Variants in TNFRSF21 observed in about 807,000 individuals in gnomAD.
The protein encoded by TNFRSF21 is tumor necrosis factor receptor superfamily member 21.
A neutral mutation model predicts 45.6 loss-of-function variants in TNFRSF21; 19 were observed. The ratio of observed to expected loss-of-function variants is 0.42; its 90% CI spans 0.29 to 0.61. TNFRSF21 has a LOEUF of 0.61. Ranked by LOEUF, TNFRSF21 falls within the 20% of genes least tolerant of loss-of-function variation. The probability of loss-of-function intolerance (pLI) is 0.23; values close to 1 mark genes in which losing one functional copy is unlikely to be tolerated. For synonymous variants in TNFRSF21, 314 were observed against 335.5 expected, an observed-to-expected ratio of 0.94 and a Z score of 0.70; for missense variants, 737 against 851.5, an observed-to-expected ratio of 0.87 and a Z score of 1.67.
At position 47,253,461 on chromosome 6, in the gene TNFRSF21, T is replaced by C; in HGVS notation, c.1304A>G (p.Gln435Arg). 6.2e-7 allele frequency: 1 copy of C among 1,614,006 alleles called. No homozygotes were observed. The highest frequency in any genetic ancestry group is 8.5e-7 in the Non-Finnish European group (1 of 1,180,026). Residue 435 changes from glutamine (Q) to arginine (R), a missense_variant, in exon 4 of 6, where the codon CAG (glutamine) becomes CGG (arginine). Coordinates refer to ENST00000296861, the MANE Select transcript of TNFRSF21 (RefSeq NM_014452.5). ...QVGSQWKDIYQFLCNASEREV... is the reference protein window; with the variant it reads ...QVGSQWKDIYRFLCNASEREV... ...CCTCTCACTGGCATTGCAAAGAAACTGATAGATATCTTTCCACTGGCTTCC... is the reference window on the plus strand; with the variant it reads ...CCTCTCACTGGCATTGCAAAGAAACCGATAGATATCTTTCCACTGGCTTCC...
chr6:47,303,850 G>A lies in TNFRSF21; in HGVS notation c.96+5566C>T, dbSNP rs73475456. Among the ~76,000 whole-genome samples the A allele has an allele frequency of 2.4e-3, 360 of 152,256 alleles. 1 individual carries two copies. The highest frequency in any genetic ancestry group is 8.0e-3 in the African/African-American group (333 of 41,526). ...AAGGCCAGTATTTATTCATGATCTC[G>A]CCCCTATCCTAAATAATCAAAGCTC... On this transcript the variant is annotated intron_variant, in intron 1 of 5. Coordinates refer to ENST00000296861, the MANE Select transcript of TNFRSF21 (RefSeq NM_014452.5).
chr6:47,278,450 T>C (rs1263242338), intron 3 of TNFRSF21, among the ~76,000 whole-genome samples: 1 of 152,190 alleles, frequency 6.6e-6, no homozygotes, highest in Non-Finnish European at 1.5e-5. Flanking sequence ...ACTGAGTACT[T>C]AAGATGTGGC....
intron 1 of TNFRSF21, among the ~76,000 whole-genome samples, chr6:47,308,183 T>C (rs996719628): frequency 7.2e-5 from 11 of 152,194 alleles, no homozygotes; most frequent in African/African-American, 2.7e-4. Context: ...TTATTTAGTC[T>C]CTCTCTTCCT....
chr6:47,280,732 G>C (rs969002569), intron 3 of TNFRSF21, among the ~76,000 whole-genome samples: 1 of 152,140 alleles, frequency 6.6e-6, no homozygotes. Context: ...TCATAAGAAC[G>C]TCTAAGGTCA....
chr6:47,258,138 G>A (rs1432161160), intron 3 of TNFRSF21, among the ~76,000 whole-genome samples: 1 of 152,086 alleles, frequency 6.6e-6, no homozygotes, highest in Non-Finnish European at 1.5e-5. Context: ...GGGAGGCTGA[G>A]GTGAGTGGAT....
chr6:47,303,339 T>G (rs923688306), intron 1 of TNFRSF21, among the ~76,000 whole-genome samples: 1 of 152,240 alleles, frequency 6.6e-6, no homozygotes, highest in Non-Finnish European at 1.5e-5. Flanking sequence ...TATTTTTGTG[T>G]AGCACAAAGT....
At chr6:47,292,416 C>A (rs1167870192) in intron 1 of TNFRSF21, among the ~76,000 whole-genome samples, 2 of 151,802 alleles carry the variant, frequency 1.3e-5, no homozygotes, top group African/African-American at 4.8e-5. Flanking sequence ...TCATCTGGAT[C>A]ACTGTGGGTC....
rs545509001 is a variant in TNFRSF21, at chr6:47,286,246, A to G, written c.446T>C (p.Val149Ala). The G allele has an allele frequency of 1.2e-5, 19 of 1,614,090 alleles. 1 individual carries two copies. The South Asian group carries it at 1.8e-4, about 15-fold the overall frequency. The change falls in exon 2 of 6, where the codon GTG (valine) becomes GCG (alanine). Residue 149 changes from valine (V) to alanine (A), a missense_variant. By Grantham distance (64) the Val-to-Ala change is moderately conservative. Coordinates refer to ENST00000296861, the MANE Select transcript of TNFRSF21 (RefSeq NM_014452.5). ...CCGCACACCCCAACCCACAGGACAC[A>G]CCGTATGGGGGGCACAGGTAGCGTT... ...QSNATCAPHT[V>A]CPVGWGVRKK...
At chr6:47,243,625 C>T (rs1481458335) in intron 4 of TNFRSF21, among the ~76,000 whole-genome samples, 1 of 152,092 alleles carries the variant, frequency 6.6e-6, no homozygotes, top group Non-Finnish European at 1.5e-5. Flanking sequence ...ACCATGTTGG[C>T]CAGGCTGTTC....
chr6:47,242,177 C>G (rs965187564), intron 4 of TNFRSF21, among the ~76,000 whole-genome samples: 3 of 152,064 alleles, frequency 2.0e-5, no homozygotes, highest in African/African-American at 4.8e-5. Flanking sequence ...AGGGGAATCT[C>G]AGGATTAACC....
chr6:47,280,748 T>A (rs1385277186), intron 3 of TNFRSF21, among the ~76,000 whole-genome samples: 1 of 152,214 alleles, frequency 6.6e-6, no homozygotes, highest in Non-Finnish European at 1.5e-5. Flanking sequence ...GGTCATTATA[T>A]TAAATTGCTT....
At chr6:47,243,377 G>GTA (rs1561938431) in intron 4 of TNFRSF21, among the ~76,000 whole-genome samples, 3 of 152,040 alleles carry the variant, frequency 2.0e-5, no homozygotes, top group East Asian at 1.9e-4. Flanking sequence ...GTGTGTGTGT[G>GTA]TATATATATG....
intron 4 of TNFRSF21, among the ~76,000 whole-genome samples, chr6:47,239,285 C>CAA (rs548172761): frequency 3.0e-3 from 169 of 56,980 alleles, no homozygotes; most frequent in African/African-American, 4.0e-3. Flanking sequence ...GACTCCATCT[C>CAA]AAAAAAAAAA....
At chr6:47,240,772 T>C (rs931860945) in intron 4 of TNFRSF21, among the ~76,000 whole-genome samples, 5 of 152,146 alleles carry the variant, frequency 3.3e-5, no homozygotes, top group African/African-American at 1.2e-4. Flanking sequence ...TGCGCTAAGA[T>C]AAATATGAGA....
intron 1 of TNFRSF21, 125 bp downstream of exon 1, chr6:47,309,291 C>A: frequency 7.4e-7 from 1 of 1,347,774 alleles, no homozygotes; most frequent in Non-Finnish European, 9.7e-7. Flanking sequence ...CCCCTCAGTG[C>A]CCGTAACCCA....
intron 3 of TNFRSF21, among the ~76,000 whole-genome samples, chr6:47,278,193 T>C (rs1762524464): frequency 6.6e-6 from 1 of 152,186 alleles, no homozygotes; most frequent in Non-Finnish European, 1.5e-5. Context: ...TTACCATCTA[T>C]GGCAATTTAG....
Position 47,278,116 on chromosome 6 carries a change from A to G in TNFRSF21, c.1243+5822T>C, listed in dbSNP as rs2281446. 5.3e-5 allele frequency among the ~76,000 whole-genome samples: 8 copies of G among 152,230 alleles called. No homozygotes were observed. The East Asian group carries it at 1.5e-3, about 29-fold the overall frequency. On this transcript the variant is annotated intron_variant, in intron 3 of 5. Coordinates refer to ENST00000296861, the MANE Select transcript of TNFRSF21 (RefSeq NM_014452.5). ...TGAGGGATGTCAGCAATCTTTTCCT[A>G]GTCAGTTTTTGCATATTTTAAAGCA... is the stretch of plus-strand genomic sequence containing the variant.
At chr6:47,260,539 G>A (rs1460583395) in intron 3 of TNFRSF21, among the ~76,000 whole-genome samples, 1 of 152,042 alleles carries the variant, frequency 6.6e-6, no homozygotes, top group African/African-American at 2.4e-5. Flanking sequence ...TCAGCTTCAG[G>A]ATGCAAAAAT....
intron 3 of TNFRSF21, among the ~76,000 whole-genome samples, chr6:47,266,835 C>A (rs1037319882): frequency 1.3e-5 from 2 of 152,086 alleles, no homozygotes; most frequent in African/African-American, 4.8e-5. Context: ...AAAATCAGGC[C>A]CACAGGGTCC....
Sources: gnomAD v4.1 joint callset for allele counts (sites outside exome capture counted in the v4.1 genomes callset) on GRCh38, gnomAD v4.1.1 for gene constraint, MANE v1.5 for transcripts, NCBI Gene and HGNC (gene_info 2026-07-23, HGNC 2026-07-21) for gene names.